Variants in NSUN6 observed in about 807,000 individuals in gnomAD.
The protein encoded by NSUN6 is tRNA (cytosine(72)-C(5))-methyltransferase NSUN6.
In NSUN6, 64 loss-of-function variants were observed where a neutral mutation model predicts 58.0. That is an observed-to-expected ratio of 1.10 (90% confidence interval 0.90 to 1.36). The LOEUF (loss-of-function observed/expected upper bound fraction) is 1.36. Ranked by LOEUF, NSUN6 falls within the 40% of genes most tolerant of loss-of-function variation. NSUN6 has a pLI of 0.00. For synonymous variants in NSUN6, 231 were observed against 193.9 expected (o/e 1.19, Z -1.59); for missense variants, 701 against 550.1 (o/e 1.27, Z -2.74).
intron 8 of NSUN6, among the ~76,000 whole-genome samples, chr10:18,557,299 G>A (rs533925836): frequency 2.0e-5 from 3 of 151,296 alleles, no homozygotes; most frequent in Admixed American, 6.6e-5. Flanking sequence ...GAGAGTGGAA[G>A]AGAATCGAAT....
chr10:18,548,308 A>C, intron 9 of NSUN6, 71 bp from the exon 10 acceptor site: 1 of 1,313,750 alleles, frequency 7.6e-7, no homozygotes, highest in Non-Finnish European at 1.1e-6. Flanking sequence ...TTCAAAGCAA[A>C]AGGTATAATG....
chr10:18,546,274 TG>T, intron 10 of NSUN6, 129 bp from the exon 11 acceptor site: 1 of 721,448 alleles, frequency 1.4e-6, no homozygotes. Context: ...AATGAGTAAA[TG>T]CCTTTCATTT....
intron 10 of NSUN6, among the ~76,000 whole-genome samples, chr10:18,546,905 G>C (rs912761121): frequency 2.0e-5 from 3 of 148,974 alleles, no homozygotes; most frequent in Non-Finnish European, 3.0e-5. Flanking sequence ...GAAAAGAAAA[G>C]AGAAGGAAGG....
chr10:18,570,705 T>G (rs200372127), intron 8 of NSUN6, among the ~76,000 whole-genome samples: 3 of 97,164 alleles, frequency 3.1e-5, no homozygotes, highest in African/African-American at 1.2e-4. Flanking sequence ...TCCATTCCAT[T>G]CTCTATTCCA....
chr10:18,548,236 G>A lies in NSUN6; in HGVS notation c.1073C>T (p.Ala358Val), dbSNP rs749136256. The stretch of plus-strand genomic sequence containing the variant: ...ACCCTCTGGCTTCAGCAGCTGAACC[G>A]CCTAAAGAAAACTGTGATCAGACCA... Reference protein sequence around the residue: ...QPLQRKLFTAAVQLLKPEGVL... With the variant: ...QPLQRKLFTAVVQLLKPEGVL... The change falls in exon 10 of 11, where the codon GCG becomes GTG. Residue 358 changes from alanine to valine, a missense_variant and splice_region_variant. By Grantham distance (64) the Ala-to-Val change is moderately conservative (BLOSUM62 0). Coordinates refer to ENST00000377304, the MANE Select transcript of NSUN6 (RefSeq NM_182543.5). The A allele has an allele frequency of 6.8e-6, 11 of 1,611,014 alleles. No individual in the cohort carries two copies. In the Admixed American group the frequency reaches 1.2e-4, roughly 17 times the overall value.
chr10:18,638,527 G>A (rs1405444860), intron 3 of NSUN6, among the ~76,000 whole-genome samples: 1 of 152,064 alleles, frequency 6.6e-6, no homozygotes, highest in Admixed American at 6.6e-5. Flanking sequence ...CTGAAGTTCA[G>A]TAACTAAAAA....
intron 3 of NSUN6, among the ~76,000 whole-genome samples, chr10:18,623,991 T>C (rs755007313): frequency 3.1e-4 from 47 of 152,204 alleles, no homozygotes; most frequent in Non-Finnish European, 5.0e-4. Flanking sequence ...TTCCATTCAA[T>C]GCATGATAAG....
chr10:18,568,374 C>G (rs545543665), intron 8 of NSUN6, among the ~76,000 whole-genome samples: 34 of 144,080 alleles, frequency 2.4e-4, no homozygotes, highest in Admixed American at 1.4e-3. Context: ...ATTCCATTCC[C>G]TTCCCTTCCT....
chr10:18,641,302 GA>G (rs1322510819), intron 3 of NSUN6, among the ~76,000 whole-genome samples: 7 of 151,294 alleles, frequency 4.6e-5, no homozygotes, highest in African/African-American at 1.7e-4. Flanking sequence ...CTATAATTAG[GA>G]ATTTTAAAAT....
intron 8 of NSUN6, among the ~76,000 whole-genome samples, chr10:18,559,815 AGAATGGAATG>A (rs1176162755): frequency 3.0e-5 from 2 of 65,598 alleles, no homozygotes; most frequent in Admixed American, 1.3e-4. Flanking sequence ...AATGGAAAAG[AGAATGGAATG>A]GAATGGAGAA....
At chr10:18,555,624 GGAATGGAGCATGGAATGTAATGGAGAACA>G (rs2054941571) in intron 8 of NSUN6, among the ~76,000 whole-genome samples, 1 of 146,966 alleles carries the variant, frequency 6.8e-6, no homozygotes, top group Non-Finnish European at 1.5e-5. Context: ...AGAATGGAAT[GGAATGGAGCATGGAATGTAATGGAGAACA>G]GAATGGAATG....
chr10:18,553,779 A>G (rs1305221714), intron 8 of NSUN6, among the ~76,000 whole-genome samples: 1 of 151,858 alleles, frequency 6.6e-6, no homozygotes, highest in Non-Finnish European at 1.5e-5. Context: ...ATTGGAATGG[A>G]ATGGAATAGA....
Position 18,611,321 on chromosome 10 carries a change from A to G in NSUN6, c.576-1395T>C, listed in dbSNP as rs1220476651. ...TAAAGTCTTAGAAGCAGTATGGCAG[A>G]CAAGTTCATAGCTAGCTTATGGAAC... On this transcript the variant is annotated intron_variant, in intron 5 of 10. Transcript: ENST00000377304. Among the ~76,000 whole-genome samples the G allele has an allele frequency of 2.0e-5, 3 of 152,326 alleles. No homozygotes were observed. In the East Asian group the frequency reaches 5.8e-4, roughly 29 times the overall value.
intron 3 of NSUN6, among the ~76,000 whole-genome samples, chr10:18,632,030 C>T (rs2059048846): frequency 6.6e-6 from 1 of 151,060 alleles, no homozygotes. Context: ...GTAACCAAAA[C>T]AGCATGGTAC....
rs144974510 is a variant in NSUN6 at position 18,553,178 on chromosome 10, T to A, written c.923-1207A>T. Among the ~76,000 whole-genome samples the A allele has an allele frequency of 4.5e-3, 678 of 150,970 alleles. 10 individuals are homozygous for A. The highest frequency in any genetic ancestry group is 0.019 in the Admixed American group (293 of 15,178). ...CCATTCCATTCTCCATTCCATTCCA[T>A]TGCATTCTCCATTCCATTCCATTGC... On this transcript the variant is annotated intron_variant, in intron 8 of 10. Transcript: ENST00000377304.
chr10:18,602,045 C>T (rs1264224331), intron 6 of NSUN6, among the ~76,000 whole-genome samples: 5 of 151,550 alleles, frequency 3.3e-5, no homozygotes, highest in Non-Finnish European at 5.9e-5. Context: ...GGTAATTCCC[C>T]CTTCCTGGTA....
intron 3 of NSUN6, among the ~76,000 whole-genome samples, chr10:18,640,710 A>G (rs2059365559): frequency 6.6e-6 from 1 of 152,186 alleles, no homozygotes; most frequent in Non-Finnish European, 1.5e-5. Flanking sequence ...TCAAAACCCA[A>G]CAAACTAAAC....
At chr10:18,563,598 C>G (rs1435963613) in intron 8 of NSUN6, among the ~76,000 whole-genome samples, 1 of 150,852 alleles carries the variant, frequency 6.6e-6, no homozygotes, top group African/African-American at 2.4e-5. Context: ...ATTCTCCATT[C>G]CATTCCATTG....
At chr10:18,602,256 T>C (rs1446211487) in intron 6 of NSUN6, among the ~76,000 whole-genome samples, 2 of 151,002 alleles carry the variant, frequency 1.3e-5, no homozygotes, top group Non-Finnish European at 3.0e-5. Context: ...TTTTTTGTTT[T>C]TTTTTGAGAC....
Sources: allele counts gnomAD v4.1 joint callset (sites outside exome capture counted in the v4.1 genomes callset), GRCh38; gene constraint gnomAD v4.1.1; transcripts MANE v1.5; gene names NCBI Gene and HGNC (gene_info 2026-07-23, HGNC 2026-07-21).